The following BABAM2 variants were observed in gnomAD, a reference collection of about 807,000 sequenced individuals.
The protein encoded by BABAM2 is BRISC and BRCA1-A complex member 2.
In BABAM2, 31 loss-of-function variants were observed where a neutral mutation model predicts 54.7. That is an observed-to-expected ratio of 0.57 (90% confidence interval 0.43 to 0.77). The LOEUF (loss-of-function observed/expected upper bound fraction) is 0.77, where lower values mean the gene tolerates loss of function less well. Among genes scored for constraint, BABAM2 ranks in the 30% least tolerant of loss-of-function variants. The probability of loss-of-function intolerance (pLI) is 0.00; values close to 1 mark genes in which losing one functional copy is unlikely to be tolerated. For synonymous variants in BABAM2, 167 were observed against 162.9 expected, an observed-to-expected ratio of 1.03 and a Z score of -0.19; for missense variants, 364 against 455.8, an observed-to-expected ratio of 0.80 and a Z score of 1.83.
chr2:28,256,672 A>G (rs1006513520), intron 10 of BABAM2, among the ~76,000 whole-genome samples: 1 of 149,642 alleles, frequency 6.7e-6, no homozygotes, highest in African/African-American at 2.5e-5. Context: ...AGTATTTTTC[A>G]TATGTTTGGA....
intron 6 of BABAM2, among the ~76,000 whole-genome samples, chr2:28,050,503 G>C (rs1677918207): frequency 6.6e-6 from 1 of 152,170 alleles, no homozygotes; most frequent in Non-Finnish European, 1.5e-5. Context: ...CAACAGAGTG[G>C]CCAGAATGAG....
chr2:27,959,531 A>G (rs1670318048), intron 3 of BABAM2, among the ~76,000 whole-genome samples: 1 of 151,804 alleles, frequency 6.6e-6, no homozygotes. Context: ...CTTCTATTTC[A>G]ATATTTCTTA....
At chr2:28,272,041 G>A (rs139715795) in intron 10 of BABAM2, among the ~76,000 whole-genome samples, 8 of 152,292 alleles carry the variant, frequency 5.3e-5, no homozygotes, top group Non-Finnish European at 8.8e-5. Flanking sequence ...ATGTTGGCTG[G>A]TAGAGAATTG....
intron 11 of BABAM2, among the ~76,000 whole-genome samples, chr2:28,323,875 C>T (rs1331685824): frequency 6.6e-6 from 1 of 152,198 alleles, no homozygotes; most frequent in Non-Finnish European, 1.5e-5. Flanking sequence ...TTTTCCTTCC[C>T]CCAGACACTC....
rs1309721419 is a variant in BABAM2 at position 28,329,218 on chromosome 2, G to A, written c.1089-9232G>A. 6.6e-6 allele frequency among the ~76,000 whole-genome samples: 1 copy of A among 152,174 alleles called. No individual in the cohort carries two copies. Among genetic ancestry groups the A allele is most frequent in the Non-Finnish European group, 1.5e-5 (1 of 68,044 alleles). Reference sequence around the variant, plus strand: ...TGAGCTAGAGGGCAGAGGGGTGGCCGAGAGGAACAGGCCTTCATGTCCCCC... The same window carrying A: ...TGAGCTAGAGGGCAGAGGGGTGGCCAAGAGGAACAGGCCTTCATGTCCCCC... On this transcript the variant is annotated intron_variant, in intron 11 of 11. Coordinates refer to ENST00000379624, the MANE Select transcript of BABAM2 (RefSeq NM_199191.3). The surrounding 1 kb of genome is among the most constrained non-coding windows in gnomAD (Gnocchi z 4.2).
chr2:28,335,640 C>T (rs1286016572), intron 11 of BABAM2, among the ~76,000 whole-genome samples: 1 of 152,216 alleles, frequency 6.6e-6, no homozygotes, highest in Non-Finnish European at 1.5e-5. Flanking sequence ...CAGGGGCTGG[C>T]AGATAAGACC....
At chr2:28,271,870 C>G (rs960776074) in intron 10 of BABAM2, among the ~76,000 whole-genome samples, 1 of 152,322 alleles carries the variant, frequency 6.6e-6, no homozygotes. Flanking sequence ...TTATACCAAT[C>G]AGTAATGTTT....
chr2:27,980,890 T>A (rs1671949536), intron 3 of BABAM2, among the ~76,000 whole-genome samples: 1 of 151,898 alleles, frequency 6.6e-6, no homozygotes, highest in African/African-American at 2.4e-5. Context: ...AAATAAAGAG[T>A]GGAATTGGAA....
intron 4 of BABAM2, among the ~76,000 whole-genome samples, chr2:28,004,171 C>T (rs1673785602): frequency 6.8e-6 from 1 of 146,770 alleles, no homozygotes; most frequent in African/African-American, 2.5e-5. Context: ...AAACATTTTT[C>T]AGAGAAATTA....
At chr2:28,198,926 G>A (rs13023343) in intron 7 of BABAM2, among the ~76,000 whole-genome samples, 93,484 of 152,014 alleles carry the variant, frequency 0.61, 29,902 homozygotes, top group Admixed American at 0.74. Context: ...CACAAAACCT[G>A]TAAAAAACCT....
At chr2:27,929,957 C>A in intron 3 of BABAM2, 49 bp downstream of exon 3, 1 of 1,523,854 alleles carries the variant, frequency 6.6e-7, no homozygotes, top group Non-Finnish European at 9.1e-7. Flanking sequence ...ACAGTGTCAG[C>A]TATTGGACTT....
intron 6 of BABAM2, among the ~76,000 whole-genome samples, chr2:28,067,175 G>A (rs1269583168): frequency 6.6e-6 from 1 of 152,152 alleles, no homozygotes; most frequent in Non-Finnish European, 1.5e-5. Context: ...CAGGTGATCT[G>A]CCTGCCTCTG....
rs370588370 is a variant in BABAM2 at position 28,277,892 on chromosome 2, G to A, written c.935-20446G>A. 6.6e-5 allele frequency among the ~76,000 whole-genome samples: 10 copies of A among 152,328 alleles called. No homozygotes were observed. In the East Asian group the frequency reaches 1.2e-3, roughly 18 times the overall value. ...AGGGAGACAGGCATGCAAACACTGCGTGGAAAATGCCATAATACATGTGTA... is the reference window on the plus strand; with the variant it reads ...AGGGAGACAGGCATGCAAACACTGCATGGAAAATGCCATAATACATGTGTA... On this transcript the variant is annotated intron_variant, in intron 10 of 11. Coordinates refer to ENST00000379624, the MANE Select transcript of BABAM2 (RefSeq NM_199191.3).
chr2:28,053,050 A>G (rs966566267), intron 6 of BABAM2, among the ~76,000 whole-genome samples: 1 of 152,178 alleles, frequency 6.6e-6, no homozygotes, highest in Non-Finnish European at 1.5e-5. Context: ...CCAGATATTC[A>G]CTTTATTTAA....
At position 28,125,504 on chromosome 2, in the gene BABAM2, G is replaced by A. The variant is rs1669445084; in HGVS notation, c.571-3767G>A. ...AGATGGGGTTTACCGTGTTGGCCAG[G>A]CTGGTCTTGAACTCCTGACCTCAGG... On this transcript the variant is annotated intron_variant, in intron 6 of 11. Transcript: ENST00000379624. 2.0e-5 allele frequency among the ~76,000 whole-genome samples: 3 copies of A among 152,044 alleles called. No homozygotes were observed. In the South Asian group the frequency reaches 6.2e-4, roughly 32 times the overall value.
chr2:28,103,141 G>T (rs1208740554), intron 6 of BABAM2, among the ~76,000 whole-genome samples: 1 of 146,724 alleles, frequency 6.8e-6, no homozygotes, highest in South Asian at 2.1e-4. Context: ...AACTTATTGA[G>T]TAAAAAAAAA....
intron 7 of BABAM2, among the ~76,000 whole-genome samples, chr2:28,164,330 G>C (rs1188589405): frequency 6.6e-6 from 1 of 152,054 alleles, no homozygotes; most frequent in Non-Finnish European, 1.5e-5. Flanking sequence ...CGTGGAGTTA[G>C]AGGAGTGCGT....
At chr2:27,946,500 G>T (rs1669306056) in intron 3 of BABAM2, among the ~76,000 whole-genome samples, 1 of 152,094 alleles carries the variant, frequency 6.6e-6, no homozygotes, top group South Asian at 2.1e-4. Context: ...GTAATGCTGT[G>T]TTTATAAAAT....
chr2:28,065,015 A>AAAAGAACCATTTACTTGAGGGCAC (rs1558303384), intron 6 of BABAM2, among the ~76,000 whole-genome samples: 2 of 152,122 alleles, frequency 1.3e-5, no homozygotes, highest in Non-Finnish European at 2.9e-5. Flanking sequence ...AAAAAAAAAA[A>AAAAGAACCATTTACTTGAGGGCAC]AAAGAACCAT....
Sources: gnomAD v4.1 joint callset for allele counts (sites outside exome capture counted in the v4.1 genomes callset) on GRCh38, gnomAD v4.1.1 for gene constraint, Gnocchi (gnomAD v3.1) non-coding constraint, MANE v1.5 for transcripts, NCBI Gene and HGNC (gene_info 2026-07-23, HGNC 2026-07-21) for gene names.